Variants in ESRRG observed in about 807,000 individuals in gnomAD.
ESRRG encodes estrogen related receptor gamma.
A neutral mutation model predicts 44.0 loss-of-function variants in ESRRG; 13 were observed. The observed-to-expected ratio is 0.30, with a 90% CI of 0.19 to 0.47. ESRRG has a LOEUF of 0.47. ESRRG is among the 20% of genes least tolerant of loss of function. The pLI, the probability that ESRRG is intolerant of heterozygous loss-of-function variation, is 1.00. For missense variants in ESRRG, 395 were observed against 580.6 expected (o/e 0.68, Z 3.29); for synonymous variants, 215 against 214.6 (o/e 1.00, Z -0.02).
chr1:216,694,402 G>A lies in ESRRG; in HGVS notation c.57-16911C>T, dbSNP rs11572680. Among the ~76,000 whole-genome samples, 1,381 of 152,036 alleles carry A rather than the reference G, an allele frequency of 9.1e-3. 22 individuals carry two copies. Among genetic ancestry groups the A allele is most frequent in the African/African-American group, 0.031 (1,283 of 41,424 alleles). ...AGAAATGGGTTCAGAAGTCCATTGG[G>A]GCCAGATTGCAGAAGATTTGAAATA... is the stretch of plus-strand genomic sequence containing the variant. On this transcript the variant is annotated intron_variant, in intron 1 of 6. Coordinates refer to ENST00000408911, the MANE Select transcript of ESRRG (RefSeq NM_001438.4).
At chr1:216,652,784 T>A (rs1030840087) in intron 2 of ESRRG, among the ~76,000 whole-genome samples, 2 of 152,114 alleles carry the variant, frequency 1.3e-5, no homozygotes, top group Non-Finnish European at 2.9e-5. Context: ...ACTGCAGAGT[T>A]TCTTCAACCA....
chr1:216,795,530 A>T (rs1361924670), intron 2 of ESRRG, among the ~76,000 whole-genome samples: 2 of 151,408 alleles, frequency 1.3e-5, no homozygotes, highest in Non-Finnish European at 2.9e-5. Context: ...TAGTAGAGAC[A>T]TGGTTTCACC....
chr1:217,042,592 T>TCC (rs969963771), intron 1 of ESRRG, among the ~76,000 whole-genome samples: 3 of 149,456 alleles, frequency 2.0e-5, no homozygotes, highest in Non-Finnish European at 4.5e-5. Context: ...CTCCCCACAC[T>TCC]CCCCCCTGCC....
chr1:217,080,675 T>TC, intron 1 of ESRRG, among the ~76,000 whole-genome samples: 1 of 88,078 alleles, frequency 1.1e-5, no homozygotes, highest in Non-Finnish European at 2.5e-5. Context: ...TTTTTGGTTT[T>TC]TTTTTTTTTT....
intron 1 of ESRRG, among the ~76,000 whole-genome samples, chr1:217,001,162 C>T (rs1385496889): frequency 6.6e-6 from 1 of 152,206 alleles, no homozygotes; most frequent in African/African-American, 2.4e-5. Context: ...GTAATATCAA[C>T]CTGTCTACTA....
intron 1 of ESRRG, among the ~76,000 whole-genome samples, chr1:217,114,177 G>T (rs1237890891): frequency 6.6e-5 from 10 of 151,872 alleles, no homozygotes; most frequent in African/African-American, 2.2e-4. Context: ...TAAGTATTAG[G>T]TAGAAGAAAA....
At chr1:217,009,286 T>G (rs1196680556) in intron 1 of ESRRG, among the ~76,000 whole-genome samples, 3 of 152,128 alleles carry the variant, frequency 2.0e-5, no homozygotes, top group Admixed American at 1.3e-4. Flanking sequence ...TATTGAAGAT[T>G]GCTCTTTAAA....
intron 2 of ESRRG, among the ~76,000 whole-genome samples, chr1:216,889,386 C>A (rs1169265793): frequency 6.6e-6 from 1 of 152,318 alleles, no homozygotes; most frequent in African/African-American, 2.4e-5. Context: ...AGCAATTCAG[C>A]AGGCTGTCAA....
intron 3 of ESRRG, among the ~76,000 whole-genome samples, chr1:216,629,232 G>A (rs983869502): frequency 2.6e-5 from 4 of 152,192 alleles, no homozygotes; most frequent in African/African-American, 9.7e-5. Flanking sequence ...ATGTATAAAG[G>A]AAGGAATGAA....
At chr1:216,659,455 T>G (rs2071670550) in intron 2 of ESRRG, among the ~76,000 whole-genome samples, 1 of 152,192 alleles carries the variant, frequency 6.6e-6, no homozygotes, top group African/African-American at 2.4e-5. Flanking sequence ...TGTCTCTACC[T>G]TGGAGCACAC....
At chr1:216,621,342 A>G (rs2062205562) in intron 3 of ESRRG, among the ~76,000 whole-genome samples, 2 of 152,210 alleles carry the variant, frequency 1.3e-5, no homozygotes, top group Non-Finnish European at 2.9e-5. Context: ...ATTTTGACAA[A>G]GATGTGCAAT....
intron 1 of ESRRG, chr1:216,707,237 T>G: frequency 9.0e-7 from 1 of 1,105,358 alleles, no homozygotes; most frequent in Non-Finnish European, 1.3e-6. Flanking sequence ...TAAAAGCATT[T>G]TTTTTTCTTT....
At chr1:216,877,125 C>T (rs1263643697) in intron 2 of ESRRG, among the ~76,000 whole-genome samples, 1 of 151,994 alleles carries the variant, frequency 6.6e-6, no homozygotes, top group Non-Finnish European at 1.5e-5. Flanking sequence ...ATACTCTGTT[C>T]AGATCCCCCA....
Position 217,135,732 on chromosome 1 carries a change from TAAAAC to T in ESRRG, c.-230+1930_-230+1934del, listed in dbSNP as rs563617406. ...GCTGCTTGCCGCGTGAGAGCAGAAATAAAACAAAACAAATCACGGGACACGACGGA... is the reference window on the plus strand; with the variant it reads ...GCTGCTTGCCGCGTGAGAGCAGAAATAAAACAAATCACGGGACACGACGGA... On this transcript the variant is annotated intron_variant, in intron 1 of 8. Coordinates refer to the ESRRG transcript ENST00000366940. Among the ~76,000 whole-genome samples, 210 of 152,154 alleles carry T rather than the reference TAAAAC, an allele frequency of 1.4e-3. 1 individual carries two copies. The South Asian group carries it at 0.016, about 12-fold the overall frequency.
intron 3 of ESRRG, among the ~76,000 whole-genome samples, chr1:216,617,028 T>A (rs1464105994): frequency 2.0e-5 from 3 of 152,212 alleles, no homozygotes; most frequent in Non-Finnish European, 4.4e-5. Flanking sequence ...CTGTACTGCA[T>A]CTGTCAGATG....
intron 2 of ESRRG, among the ~76,000 whole-genome samples, chr1:216,760,848 A>G (rs767868322): frequency 4.0e-4 from 61 of 152,108 alleles, no homozygotes; most frequent in Non-Finnish European, 8.1e-4. Context: ...TAGACACTCT[A>G]CTAGACATTA....
At chr1:216,696,903 A>T (rs2080269717) in intron 1 of ESRRG, among the ~76,000 whole-genome samples, 1 of 152,208 alleles carries the variant, frequency 6.6e-6, no homozygotes, top group Admixed American at 6.5e-5. Flanking sequence ...TAGGTATCAA[A>T]TCTTTTGAAA....
chr1:216,991,689 GATAGA>G (rs1335859619), intron 1 of ESRRG, among the ~76,000 whole-genome samples: 83 of 144,772 alleles, frequency 5.7e-4, no homozygotes, highest in Non-Finnish European at 1.1e-3. Context: ...GATGGGATGG[GATAGA>G]ATATTCCTTG....
At position 217,062,749 on chromosome 1, in the gene ESRRG, C is replaced by T. The variant is rs11572398; in HGVS notation, c.-106+26758G>A. On this transcript the variant is annotated intron_variant, in intron 1 of 7. Transcript: ENST00000359162. ...TAGATCAGTGAAAACTAGGTACAAA[C>T]GAATACCTCCCTTCAGTCTACAGTT... Among the ~76,000 whole-genome samples the T allele has an allele frequency of 6.2e-3, 938 of 152,264 alleles. 8 individuals are homozygous for T. Among genetic ancestry groups the T allele is most frequent in the African/African-American group, 0.022 (900 of 41,548 alleles).
Sources: gnomAD v4.1 joint callset for allele counts (sites outside exome capture counted in the v4.1 genomes callset) on GRCh38, gnomAD v4.1.1 for gene constraint, MANE v1.5 for transcripts, NCBI Gene and HGNC (gene_info 2026-07-23, HGNC 2026-07-21) for gene names.